The following LAMA2 variants were observed in gnomAD, a reference collection of about 807,000 sequenced individuals.
LAMA2 encodes the protein laminin subunit alpha 2.
Under a neutral mutation model 364.8 loss-of-function variants are expected in LAMA2, and 269 were observed. The ratio of observed to expected loss-of-function variants is 0.74; its 90% CI spans 0.67 to 0.82. LAMA2 has a LOEUF of 0.82. LAMA2 is among the 40% of genes least tolerant of loss of function. The probability of loss-of-function intolerance (pLI) is 0.00; values close to 1 mark genes in which losing one functional copy is unlikely to be tolerated. For missense variants in LAMA2, 3,807 were observed against 3,873.2 expected (o/e 0.98, Z 0.45); for synonymous variants, 1,379 against 1,370.6 (o/e 1.01, Z -0.14).
chr6:129,151,738 C>A lies in LAMA2; in HGVS notation c.1027+2642C>A, dbSNP rs6933608. 9.6e-3 allele frequency among the ~76,000 whole-genome samples: 1,461 copies of A among 152,152 alleles called. 20 individuals carry two copies. The highest frequency in any genetic ancestry group is 0.033 in the African/African-American group (1,385 of 41,498). On this transcript the variant is annotated intron_variant, in intron 7 of 64. Coordinates refer to ENST00000421865, the MANE Select transcript of LAMA2 (RefSeq NM_000426.4). ...CCTTATAAAACCATCAGATCTTGTA[C>A]GAACTCACTCACTATCATGAGGACA...
chr6:128,902,733 A>G (rs1466013971), intron 1 of LAMA2, among the ~76,000 whole-genome samples: 1 of 152,096 alleles, frequency 6.6e-6, no homozygotes, highest in East Asian at 1.9e-4. Context: ...ATCTTTGCCC[A>G]CTGCAGCCTT....
intron 1 of LAMA2, among the ~76,000 whole-genome samples, chr6:129,034,114 A>G (rs1786435464): frequency 6.6e-6 from 1 of 152,180 alleles, no homozygotes; most frequent in Non-Finnish European, 1.5e-5. Context: ...AGGGTATAGT[A>G]TGAACCTGTT....
Position 129,315,740 on chromosome 6 carries a change from ATTC to A in LAMA2, c.3736-16_3736-14del, listed in dbSNP as rs538587087. ...CATTTGGAGATTTATCCAATTCCTC[ATTC>A]TTCTTTTTATTTTGTCAGTTGATGG... is the stretch of plus-strand genomic sequence containing the variant. On this transcript the variant is annotated intron_variant, in intron 25 of 64. Transcript: ENST00000421865. 317 of 1,613,238 alleles carry A rather than the reference ATTC, an allele frequency of 2.0e-4. 1 individual carries two copies. In the East Asian group the frequency reaches 6.1e-3, roughly 31 times the overall value.
chr6:128,992,638 T>G (rs1002662624), intron 1 of LAMA2, among the ~76,000 whole-genome samples: 5 of 152,172 alleles, frequency 3.3e-5, no homozygotes, highest in Non-Finnish European at 7.3e-5. Context: ...TACACACACT[T>G]AAATTCAACA....
chr6:129,024,086 G>A (rs1385407522), intron 1 of LAMA2, among the ~76,000 whole-genome samples: 1 of 152,080 alleles, frequency 6.6e-6, no homozygotes, highest in Non-Finnish European at 1.5e-5. Flanking sequence ...GCTTTAACAA[G>A]TATCTGGGAA....
At chr6:129,227,571 G>A (rs903748034) in intron 12 of LAMA2, among the ~76,000 whole-genome samples, 13 of 152,208 alleles carry the variant, frequency 8.5e-5, no homozygotes, top group African/African-American at 3.1e-4. Context: ...CTGCAGGTCT[G>A]TTGGAGTTTG....
rs1424455269 is a variant in LAMA2 at position 129,453,059 on chromosome 6, C to A, written c.6501C>A (p.Tyr2167Ter). 2 of 1,612,626 alleles carry A rather than the reference C, an allele frequency of 1.2e-6. No homozygotes were observed. Among genetic ancestry groups the A allele is most frequent in the Admixed American group, 3.3e-5 (2 of 59,980 alleles). ...AACCAGAAATCAAGAAAGGAAGTTA[C>A]AATAATATTGTTGTCAACGTAAAGA... is the stretch of plus-strand genomic sequence containing the variant. Reference protein sequence around the residue: ...TYKPEIKKGSYNNIVVNVKTA... With the variant: ...TYKPEIKKGS Residue 2167 changes from tyrosine (Y) to a stop codon, truncating the protein, a stop_gained, in exon 46 of 65, where the codon TAC becomes TAA. Transcript: ENST00000421865. LOFTEE classifies it high-confidence loss of function.
chr6:128,916,050 A>C (rs934802274), intron 1 of LAMA2, among the ~76,000 whole-genome samples: 2 of 152,172 alleles, frequency 1.3e-5, no homozygotes, highest in Non-Finnish European at 1.5e-5. Context: ...AATTATTTAC[A>C]TGTTGGCTGA....
chr6:129,269,301 G>A (rs1787752299), intron 16 of LAMA2, among the ~76,000 whole-genome samples: 1 of 151,236 alleles, frequency 6.6e-6, no homozygotes, highest in Non-Finnish European at 1.5e-5. Context: ...GCAAAATTTT[G>A]TAAAGCACTT....
intron 9 of LAMA2, 136 bp downstream of exon 9, chr6:129,165,811 C>T (rs546059560): frequency 1.6e-5 from 11 of 681,488 alleles, no homozygotes; most frequent in African/African-American, 8.9e-5. Flanking sequence ...AGTGTATTAG[C>T]GTTCCCTCCA....
chr6:129,185,066 C>T (rs1202236042), intron 10 of LAMA2, among the ~76,000 whole-genome samples: 1 of 151,804 alleles, frequency 6.6e-6, no homozygotes, highest in Non-Finnish European at 1.5e-5. Context: ...TAATTAACTA[C>T]AAACTACCAA....
At chr6:129,507,208 C>T (rs971104804) in intron 61 of LAMA2, among the ~76,000 whole-genome samples, 3 of 152,000 alleles carry the variant, frequency 2.0e-5, no homozygotes, top group Non-Finnish European at 4.4e-5. Context: ...GGGCCCATAG[C>T]TCTGTCAAAC....
At position 129,491,921 on chromosome 6, in the gene LAMA2, A is replaced by G; in HGVS notation, c.7919A>G (p.Asp2640Gly). 6.2e-7 allele frequency: 1 copy of G among 1,613,008 alleles called. No individual in the cohort carries two copies. The change falls in exon 57 of 65, where the codon GAT becomes GGT. Residue 2640 changes from aspartate to glycine, a missense_variant. By Grantham distance (94) the Asp-to-Gly change is moderately conservative (BLOSUM62 -1). Coordinates refer to ENST00000421865, the MANE Select transcript of LAMA2 (RefSeq NM_000426.4). Reference sequence around the variant, plus strand: ...ATCAGCATCTTTACAGTTCAAGTGGATGAAAACAGAAGATACATGCAAAAC... The same window carrying G: ...ATCAGCATCTTTACAGTTCAAGTGGGTGAAAACAGAAGATACATGCAAAAC... ...RTRGIFTVQV[D>G]ENRRYMQNLT...
chr6:129,498,861 G>A (rs1785402323), intron 58 of LAMA2, among the ~76,000 whole-genome samples: 1 of 152,166 alleles, frequency 6.6e-6, no homozygotes, highest in South Asian at 2.1e-4. Flanking sequence ...ATTTCCAAAT[G>A]TCAGCCACCA....
chr6:129,228,183 G>A (rs972634171), intron 12 of LAMA2, among the ~76,000 whole-genome samples: 10 of 152,194 alleles, frequency 6.6e-5, no homozygotes, highest in South Asian at 4.1e-4. Context: ...TTGGAAAAGC[G>A]TGGTATTAGG....
intron 16 of LAMA2, 103 bp from the exon 17 acceptor site, chr6:129,270,521 C>A (rs1787849413): frequency 2.6e-6 from 3 of 1,158,926 alleles, no homozygotes; most frequent in Non-Finnish European, 3.9e-6. Flanking sequence ...AAAAATTATT[C>A]TTGCTGGCAG....
At chr6:129,011,157 A>G (rs1001250404) in intron 1 of LAMA2, among the ~76,000 whole-genome samples, 3 of 152,084 alleles carry the variant, frequency 2.0e-5, no homozygotes, top group African/African-American at 7.2e-5. Flanking sequence ...TGTGGAGAAT[A>G]TGTCACCCTG....
At chr6:129,481,499 T>G (rs567112625) in intron 55 of LAMA2, 60 bp downstream of exon 55, 2 of 1,362,950 alleles carry the variant, frequency 1.5e-6, no homozygotes, top group African/African-American at 1.4e-5. Context: ...GCAGTTAACT[T>G]ACTTTTGTAT....
chr6:129,103,857 C>T (rs530524391), intron 4 of LAMA2, among the ~76,000 whole-genome samples: 1 of 151,772 alleles, frequency 6.6e-6, no homozygotes, highest in Non-Finnish European at 1.5e-5. Flanking sequence ...AGATTTTTAA[C>T]GTGGACAGCA....
Sources: allele counts gnomAD v4.1 joint callset (sites outside exome capture counted in the v4.1 genomes callset), GRCh38; gene constraint gnomAD v4.1.1; transcripts MANE v1.5; gene names NCBI Gene and HGNC (gene_info 2026-07-23, HGNC 2026-07-21).